TESC: variants seen among roughly 807,000 people sequenced by gnomAD.
TESC encodes tescalcin.
In TESC, 19 loss-of-function variants were observed where a neutral mutation model predicts 31.0. The ratio of observed to expected loss-of-function variants is 0.61; its 90% CI spans 0.43 to 0.90. The LOEUF (loss-of-function observed/expected upper bound fraction) is 0.90, where lower values mean the gene tolerates loss of function less well. Among genes scored for constraint, TESC ranks in the 40% least tolerant of loss-of-function variants. The pLI, the probability that TESC is intolerant of heterozygous loss-of-function variation, is 0.00. For synonymous variants in TESC, 109 were observed against 114.8 expected, an observed-to-expected ratio of 0.95 and a Z score of 0.32; for missense variants, 248 against 303.8, an observed-to-expected ratio of 0.82 and a Z score of 1.36.
intron 2 of TESC, among the ~76,000 whole-genome samples, chr12:117,058,873 C>A (rs868042750): frequency 2.0e-5 from 3 of 152,236 alleles, no homozygotes; most frequent in Admixed American, 2.0e-4. Flanking sequence ...CAGGCAGGGG[C>A]GTCAGCCACT....
chr12:117,048,416 G>A (rs9634171), intron 4 of TESC, among the ~76,000 whole-genome samples: 68,470 of 152,086 alleles, frequency 0.45, 17,839 homozygotes, highest in African/African-American at 0.73. Flanking sequence ...GGGACACAGA[G>A]GGATGTCAGG....
At chr12:117,052,002 G>A (rs1954653819) in intron 3 of TESC, among the ~76,000 whole-genome samples, 1 of 152,092 alleles carries the variant, frequency 6.6e-6, no homozygotes, top group African/African-American at 2.4e-5. Flanking sequence ...CTTGAACCCT[G>A]GCCATACGCA....
At chr12:117,047,161 G>A (rs536010655) in intron 4 of TESC, among the ~76,000 whole-genome samples, 53 of 152,354 alleles carry the variant, frequency 3.5e-4, no homozygotes, top group African/African-American at 7.5e-4. Context: ...TGAATATCAC[G>A]ACAGTAAGCG....
At chr12:117,081,827 C>A (rs535146622) in intron 1 of TESC, among the ~76,000 whole-genome samples, 1 of 152,136 alleles carries the variant, frequency 6.6e-6, no homozygotes, top group South Asian at 2.1e-4. Flanking sequence ...TCACTTGAAC[C>A]TGGGAGGTGG....
Position 117,093,938 on chromosome 12 carries a change from C to T in TESC, c.58+5287G>A, listed in dbSNP as rs11068330. Among the ~76,000 whole-genome samples the T allele has an allele frequency of 6.6e-5, 10 of 152,026 alleles. No individual in the cohort carries two copies. In the South Asian group the frequency reaches 1.0e-3, roughly 16 times the overall value. On this transcript the variant is annotated intron_variant, in intron 1 of 7. Coordinates refer to ENST00000335209, the MANE Select transcript of TESC (RefSeq NM_017899.4). Reference sequence around the variant, plus strand: ...TCCTTTCCAACTCCAGGAGCAGACACGGATGGGGGGGACAGGAAGTGGGGC... The same window carrying T: ...TCCTTTCCAACTCCAGGAGCAGACATGGATGGGGGGGACAGGAAGTGGGGC...
At chr12:117,081,396 C>A (rs771585017) in intron 1 of TESC, among the ~76,000 whole-genome samples, 1 of 151,968 alleles carries the variant, frequency 6.6e-6, no homozygotes, top group African/African-American at 2.4e-5. Context: ...AATGTGGCCA[C>A]GAGAAAATTT....
At chr12:117,085,905 T>C (rs565338652) in intron 1 of TESC, among the ~76,000 whole-genome samples, 6 of 152,164 alleles carry the variant, frequency 3.9e-5, no homozygotes, top group Non-Finnish European at 8.8e-5. Context: ...ACCACCAACA[T>C]GGCAACTACT....
rs61937043 is a variant in TESC, at chr12:117,089,131, G to A, written c.58+10094C>T. On this transcript the variant is annotated intron_variant, in intron 1 of 7. Transcript: ENST00000335209. ...AGCCATCTCTGCTAGGGAGACGGCAGGGGAAAGAGCAGGCTTCTGCAATGA... is the reference window on the plus strand; with the variant it reads ...AGCCATCTCTGCTAGGGAGACGGCAAGGGAAAGAGCAGGCTTCTGCAATGA... Among the ~76,000 whole-genome samples, 6 of 152,374 alleles carry A rather than the reference G, an allele frequency of 3.9e-5. No homozygotes were observed. In the East Asian group the frequency reaches 1.2e-3, roughly 29 times the overall value.
At position 117,084,545 on chromosome 12, in the gene TESC, C is replaced by G. The variant is rs532888795; in HGVS notation, c.59-9205G>C. 4.6e-5 allele frequency among the ~76,000 whole-genome samples: 7 copies of G among 152,372 alleles called. No individual in the cohort carries two copies. The South Asian group carries it at 1.4e-3, about 32-fold the overall frequency. On this transcript the variant is annotated intron_variant, in intron 1 of 7. Coordinates refer to ENST00000335209, the MANE Select transcript of TESC (RefSeq NM_017899.4). ...CATTGCCTGCCTGGCCCTGGCCTCC[C>G]CCATCAGGCTGTGGGGACCTGCTTG...
chr12:117,046,975 C>T lies in TESC; in HGVS notation c.350-137G>A, dbSNP rs181741310. On this transcript the variant is annotated intron_variant, in intron 4 of 7. Transcript: ENST00000335209. ...AAAGCCAGAGGGGTCAGGGCATGAG[C>T]TGTGGGACCAGACTGACTACTTCCT... The T allele has an allele frequency of 5.4e-6, 5 of 919,322 alleles. No homozygotes were observed. In the Admixed American group the frequency reaches 1.1e-4, roughly 21 times the overall value. The allele number at this position is 919,322 out of a possible 1,614,324, so 56.9% of individuals were successfully genotyped here. A position where few individuals can be genotyped will look rare whatever the true frequency, so the allele number is the denominator to read the frequency against.
intron 1 of TESC, among the ~76,000 whole-genome samples, chr12:117,086,013 C>T (rs1955214959): frequency 6.6e-6 from 1 of 152,122 alleles, no homozygotes; most frequent in Non-Finnish European, 1.5e-5. Context: ...TGTCATACTC[C>T]AAGAAGGGAT....
chr12:117,046,148 G>T (rs545783300), intron 6 of TESC, among the ~76,000 whole-genome samples: 1 of 152,176 alleles, frequency 6.6e-6, no homozygotes, highest in Non-Finnish European at 1.5e-5. Flanking sequence ...GCTCCCTGCT[G>T]ACCCCTGCCT....
chr12:117,096,476 G>T (rs1160759158), intron 1 of TESC, among the ~76,000 whole-genome samples: 1 of 152,144 alleles, frequency 6.6e-6, no homozygotes, highest in Non-Finnish European at 1.5e-5. Context: ...GCTCAGAGAA[G>T]TAAGATGACT....
At chr12:117,072,383 G>A (rs1056510705) in intron 2 of TESC, among the ~76,000 whole-genome samples, 19 of 152,088 alleles carry the variant, frequency 1.2e-4, no homozygotes, top group Non-Finnish European at 2.2e-4. Context: ...GTGCCCGGCC[G>A]ACTGCTCATT....
intron 1 of TESC, among the ~76,000 whole-genome samples, chr12:117,075,891 A>ATATATATATATATATATGTGTG (rs1565971525): frequency 5.8e-5 from 4 of 69,072 alleles, no homozygotes; most frequent in Admixed American, 2.7e-4. Flanking sequence ...ATATATATAT[A>ATATATATATATATATATGTGTG]TATATATATA....
At chr12:117,039,942 T>G (rs1954457266) in intron 7 of TESC, among the ~76,000 whole-genome samples, 1 of 152,340 alleles carries the variant, frequency 6.6e-6, no homozygotes, top group East Asian at 1.9e-4. Flanking sequence ...CCTTAGCAAG[T>G]CAGGGCCCAC....
intron 3 of TESC, among the ~76,000 whole-genome samples, chr12:117,049,903 G>GAAAAA (rs66797686): frequency 2.3e-5 from 2 of 86,454 alleles, no homozygotes; most frequent in African/African-American, 3.7e-5. Flanking sequence ...CCTGTCTCAA[G>GAAAAA]AAAAAAAAAA....
intron 1 of TESC, among the ~76,000 whole-genome samples, chr12:117,095,384 C>T (rs1955377593): frequency 6.6e-6 from 1 of 152,188 alleles, no homozygotes; most frequent in South Asian, 2.1e-4. Flanking sequence ...AGACCTTACC[C>T]TGGGTGGAGA....
intron 1 of TESC, among the ~76,000 whole-genome samples, chr12:117,095,016 C>CAA (rs758816373): frequency 0.21 from 26,292 of 124,000 alleles, 2,569 homozygotes; most frequent in Middle Eastern, 0.27. Context: ...AAATTCATCT[C>CAA]AAAAAAAAAA....
Sources: allele counts gnomAD v4.1 joint callset (sites outside exome capture counted in the v4.1 genomes callset), GRCh38; gene constraint gnomAD v4.1.1; transcripts MANE v1.5; gene names NCBI Gene and HGNC (gene_info 2026-07-23, HGNC 2026-07-21).